Variants in SNAP47 observed in about 807,000 individuals in gnomAD.
SNAP47 encodes synaptosomal-associated protein 47.
SNAP47 carries 20 observed loss-of-function variants against 31.4 expected under a neutral mutation model. That is an observed-to-expected ratio of 0.64 (90% CI 0.45 to 0.93). The LOEUF (loss-of-function observed/expected upper bound fraction) is 0.93. Among genes scored for constraint, SNAP47 ranks in the 40% least tolerant of loss-of-function variants. The pLI is 0.00. For missense variants in SNAP47, 492 were observed against 528.5 expected (o/e 0.93, Z 0.68); for synonymous variants, 194 against 213.4 (o/e 0.91, Z 0.79).
upstream of SNAP47, chr1:227,732,903 G>A (rs2102860927): frequency 6.2e-7 from 1 of 1,612,790 alleles, no homozygotes. Context: ...GTGCCAGTCG[G>A]GCATGGAGTC....
chr1:227,737,035 G>A (rs1389562273), intron 1 of SNAP47, among the ~76,000 whole-genome samples: 1 of 152,228 alleles, frequency 6.6e-6, no homozygotes, highest in Non-Finnish European at 1.5e-5. Context: ...GCCTGGAAAT[G>A]TTAAAGGCCC....
chr1:227,777,429 C>T (rs1436959285), intron 4 of SNAP47, among the ~76,000 whole-genome samples: 2 of 152,128 alleles, frequency 1.3e-5, no homozygotes, highest in East Asian at 3.9e-4. Context: ...GTGGAGGTGG[C>T]CCCAGGTGGA....
intron 3 of SNAP47, among the ~76,000 whole-genome samples, chr1:227,764,298 C>T (rs960190390): frequency 6.6e-6 from 1 of 152,192 alleles, no homozygotes; most frequent in Non-Finnish European, 1.5e-5. Flanking sequence ...CCAGCCACCG[C>T]GCCCAGCAGA....
rs118158148 is a variant in SNAP47, at chr1:227,772,017, G to A, written c.1113+4934G>A. ...TCAAGCAGAGACCGAGTGCTTGACC[G>A]AGTGCTGAGTGGGACTTCAGGCTTG... On this transcript the variant is annotated intron_variant, in intron 4 of 4. Coordinates refer to ENST00000617596, the MANE Select transcript of SNAP47 (RefSeq NM_053052.4). Among the ~76,000 whole-genome samples the A allele has an allele frequency of 4.2e-3, 645 of 152,204 alleles. 15 individuals carry two copies. In the South Asian group the frequency reaches 0.05, roughly 12 times the overall value.
chr1:227,730,076 G>C (rs768940854), upstream of SNAP47, among the ~76,000 whole-genome samples: 12 of 152,152 alleles, frequency 7.9e-5, no homozygotes, highest in Admixed American at 2.0e-4. Flanking sequence ...TTGTTTCTCT[G>C]ACCCCTTTCC....
At chr1:227,743,603 A>G (rs888913816) in intron 1 of SNAP47, among the ~76,000 whole-genome samples, 6 of 152,174 alleles carry the variant, frequency 3.9e-5, no homozygotes, top group African/African-American at 1.4e-4. Flanking sequence ...GTTCTCTGAC[A>G]CCTGCTCCCT....
rs143186604 is a variant in SNAP47 at position 227,743,675 on chromosome 1, G to T, written c.-45-4017G>T. Among the ~76,000 whole-genome samples, 694 of 152,280 alleles carry T rather than the reference G, an allele frequency of 4.6e-3. 18 individuals carry two copies. The South Asian group carries it at 0.055, about 12-fold the overall frequency. The stretch of plus-strand genomic sequence containing the variant: ...TGCTGGTCTTTGAATGTCACTATCT[G>T]TCTGCTCCCCTGGACCTCCCTTGGT... On this transcript the variant is annotated intron_variant, in intron 1 of 4. Transcript: ENST00000617596.
At chr1:227,773,760 C>G (rs1298861000) in intron 4 of SNAP47, among the ~76,000 whole-genome samples, 1 of 152,222 alleles carries the variant, frequency 6.6e-6, no homozygotes, top group African/African-American at 2.4e-5. Flanking sequence ...AGGCCTGCAG[C>G]TTGGGGGGGT....
At chr1:227,737,109 T>G in intron 1 of SNAP47, among the ~76,000 whole-genome samples, 1 of 152,070 alleles carries the variant, frequency 6.6e-6, no homozygotes, top group African/African-American at 2.4e-5. Context: ...CAGGGTACTC[T>G]GTGATTTTCG....
At chr1:227,765,223 C>T (rs1309576311) in intron 3 of SNAP47, among the ~76,000 whole-genome samples, 3 of 152,082 alleles carry the variant, frequency 2.0e-5, no homozygotes, top group Admixed American at 6.6e-5. Context: ...GACCAGACTA[C>T]GAGAGCCTTG....
chr1:227,775,385 G>C (rs1664093546), intron 4 of SNAP47, among the ~76,000 whole-genome samples: 1 of 152,282 alleles, frequency 6.6e-6, no homozygotes, highest in South Asian at 2.1e-4. Context: ...TCCTCAGTGA[G>C]TCAGCTTAAT....
intron 1 of SNAP47, among the ~76,000 whole-genome samples, chr1:227,740,004 G>A (rs908606042): frequency 2.0e-5 from 3 of 152,274 alleles, no homozygotes; most frequent in African/African-American, 7.2e-5. Context: ...TGGTGTGGTT[G>A]TGGTCAACTC....
At chr1:227,732,306 CAGGG>C, upstream of SNAP47, 1 of 1,497,552 alleles carries the variant, frequency 6.7e-7, no homozygotes, top group Non-Finnish European at 9.2e-7. Flanking sequence ...CCCCAGGTCA[CAGGG>C]AGGGCGGTCT....
chr1:227,732,526 G>C, upstream of SNAP47: 2 of 1,613,356 alleles, frequency 1.2e-6, no homozygotes, highest in Non-Finnish European at 1.7e-6. Flanking sequence ...TCTGTGATGC[G>C]CCCAACATCA....
chr1:227,761,291 A>C (rs1415154360), intron 3 of SNAP47, among the ~76,000 whole-genome samples: 1 of 152,232 alleles, frequency 6.6e-6, no homozygotes, highest in East Asian at 1.9e-4. Context: ...TTTCGGAAAG[A>C]AATACACATA....
At chr1:227,754,729 G>A (rs1446369022) in intron 2 of SNAP47, among the ~76,000 whole-genome samples, 1 of 152,160 alleles carries the variant, frequency 6.6e-6, no homozygotes, top group African/African-American at 2.4e-5. Context: ...AGGCACAGGA[G>A]CATTGCAGGC....
chr1:227,764,153 C>T (rs1663241198), intron 3 of SNAP47, among the ~76,000 whole-genome samples: 1 of 152,198 alleles, frequency 6.6e-6, no homozygotes, highest in South Asian at 2.1e-4. Flanking sequence ...ATTGCAGTCA[C>T]TCATGACCCC....
upstream of SNAP47, chr1:227,734,815 T>C (rs774791511): frequency 1.2e-6 from 2 of 1,613,702 alleles, no homozygotes; most frequent in South Asian, 2.2e-5. Context: ...CAACCACGTC[T>C]CCTGAAATGA....
chr1:227,734,176 G>C (rs1660889881), upstream of SNAP47: 7 of 910,746 alleles, frequency 7.7e-6, no homozygotes, highest in South Asian at 1.2e-4. Flanking sequence ...ACCCTCCTCT[G>C]AGCCAGACGC....
Sources: gnomAD v4.1 joint callset for allele counts (sites outside exome capture counted in the v4.1 genomes callset) on GRCh38, gnomAD v4.1.1 for gene constraint, MANE v1.5 for transcripts, NCBI Gene and HGNC (gene_info 2026-07-23, HGNC 2026-07-21) for gene names.